SLBP: variants seen among roughly 807,000 people sequenced by gnomAD.
SLBP encodes histone RNA hairpin-binding protein.
SLBP carries 29 observed loss-of-function variants against 39.2 expected under a neutral mutation model. The observed-to-expected ratio is 0.74, with a 90% CI of 0.55 to 1.01. The LOEUF (loss-of-function observed/expected upper bound fraction) is 1.01. Ranked by LOEUF, SLBP falls within the 50% of genes least tolerant of loss-of-function variation. The pLI is 0.00. For synonymous variants in SLBP, 129 were observed against 118.7 expected (o/e 1.09, Z -0.57); for missense variants, 390 against 350.2 (o/e 1.11, Z -0.91).
intron 6 of SLBP, among the ~76,000 whole-genome samples, chr4:1,695,962 A>C (rs1716090165): frequency 6.6e-6 from 1 of 152,166 alleles, no homozygotes; most frequent in African/African-American, 2.4e-5. Context: ...CAACAAACAA[A>C]AACTGTATTC....
At chr4:1,709,847 G>A (rs1019862570) in intron 2 of SLBP, among the ~76,000 whole-genome samples, 1 of 152,102 alleles carries the variant, frequency 6.6e-6, no homozygotes, top group African/African-American at 2.4e-5. Flanking sequence ...TCCTGACCTC[G>A]TGATCCACCC....
chr4:1,711,077 T>G (rs1439146364), intron 2 of SLBP, among the ~76,000 whole-genome samples: 2 of 133,334 alleles, frequency 1.5e-5, no homozygotes, highest in Non-Finnish European at 3.2e-5. Context: ...AAAAAAAAAG[T>G]AACGCAAAGG....
Position 1,700,148 on chromosome 4 carries a change from G to A in SLBP, c.282-78C>T, listed in dbSNP as rs927497971. The A allele has an allele frequency of 7.6e-6, 7 of 917,730 alleles. No individual in the cohort carries two copies. The East Asian group carries it at 1.2e-4, about 16-fold the overall frequency. 56.8% of individuals were successfully genotyped at this position (917,730 alleles called of 1,614,324 possible). On this transcript the variant is annotated intron_variant, in intron 3 of 7. Transcript: ENST00000489418. ...GCCAGGTCTGAGGAAGCTCCACCCT[G>A]ATGCCCGCAGGCACACCATCCTATG...
intron 2 of SLBP, among the ~76,000 whole-genome samples, chr4:1,710,097 T>C (rs1716681497): frequency 6.6e-6 from 1 of 152,030 alleles, no homozygotes; most frequent in African/African-American, 2.4e-5. Flanking sequence ...CAGGCTGGTG[T>C]CGAACTCCTG....
chr4:1,706,221 G>A (rs765917678), intron 2 of SLBP, among the ~76,000 whole-genome samples: 1 of 151,898 alleles, frequency 6.6e-6, no homozygotes, highest in Non-Finnish European at 1.5e-5. Context: ...CAGAGACGGA[G>A]GTTGCAGTGA....
intron 3 of SLBP, among the ~76,000 whole-genome samples, chr4:1,701,390 G>T (rs1270698988): frequency 2.6e-5 from 4 of 151,946 alleles, no homozygotes; most frequent in Non-Finnish European, 5.9e-5. Flanking sequence ...CAGGTGATCC[G>T]CCCGCCTTGG....
At chr4:1,696,132 G>A in intron 6 of SLBP, 70 bp downstream of exon 6, 1 of 1,365,362 alleles carries the variant, frequency 7.3e-7, no homozygotes, top group Non-Finnish European at 9.9e-7. Context: ...TCCTGTCCCA[G>A]TGGTGCGCAG....
At chr4:1,702,665 A>G (rs1313129247) in intron 3 of SLBP, among the ~76,000 whole-genome samples, 1 of 152,262 alleles carries the variant, frequency 6.6e-6, no homozygotes, top group Admixed American at 6.5e-5. Context: ...ACTGATAATC[A>G]AGGGAGATTA....
intron 5 of SLBP, among the ~76,000 whole-genome samples, chr4:1,697,006 A>C (rs936519500): frequency 3.3e-5 from 5 of 151,364 alleles, no homozygotes; most frequent in African/African-American, 1.2e-4. Context: ...AAAATACCAA[A>C]AATTAGCCAG....
intron 5 of SLBP, among the ~76,000 whole-genome samples, chr4:1,698,270 G>A (rs377048367): frequency 9.2e-5 from 14 of 151,506 alleles, no homozygotes; most frequent in African/African-American, 2.9e-4. Context: ...GCTTGAACCC[G>A]AGAGGTGGAG....
At chr4:1,709,284 G>A (rs1194373251) in intron 2 of SLBP, among the ~76,000 whole-genome samples, 1 of 152,114 alleles carries the variant, frequency 6.6e-6, no homozygotes, top group Admixed American at 6.5e-5. Context: ...TCGAGTGCCT[G>A]TATAAGCTGG....
chr4:1,700,543 G>C (rs1409207397), intron 3 of SLBP, among the ~76,000 whole-genome samples: 1 of 149,122 alleles, frequency 6.7e-6, no homozygotes, highest in African/African-American at 2.4e-5. Context: ...GAGCTACCTT[G>C]AGCTCCAAGT....
intron 2 of SLBP, among the ~76,000 whole-genome samples, chr4:1,708,951 A>G (rs1415272054): frequency 6.6e-6 from 1 of 152,218 alleles, no homozygotes; most frequent in Non-Finnish European, 1.5e-5. Context: ...TTTTATCTTC[A>G]GCTAAATGAG....
At chr4:1,711,740 G>A in intron 2 of SLBP, 134 bp downstream of exon 2, 1 of 432,248 alleles carries the variant, frequency 2.3e-6, no homozygotes, top group Non-Finnish European at 3.9e-6. Context: ...CACGGGCCGC[G>A]CGGAGACCAA....
intron 2 of SLBP, among the ~76,000 whole-genome samples, chr4:1,705,146 C>T (rs548541812): frequency 3.9e-5 from 6 of 152,200 alleles, no homozygotes; most frequent in South Asian, 4.2e-4. Flanking sequence ...AGGCTGGTCT[C>T]GAACTCCTGA....
In SLBP at chr4:1,696,357, G is replaced by A; in HGVS notation, c.480-6C>T. 6.4e-7 allele frequency: 1 copy of A among 1,558,552 alleles called. No individual in the cohort carries two copies. Among genetic ancestry groups the A allele is most frequent in the Non-Finnish European group, 8.7e-7 (1 of 1,153,308 alleles). On this transcript the variant is annotated splice_region_variant and splice_polypyrimidine_tract_variant and intron_variant, in intron 5 of 7. Coordinates refer to ENST00000489418, the MANE Select transcript of SLBP (RefSeq NM_006527.4). The stretch of plus-strand genomic sequence containing the variant: ...TGCCAGGTTGTCGAAGGTGTCTACA[G>A]GAGAAAGATTATTCTAGCACATGCC...
At chr4:1,695,541 T>A (rs1716073954) in intron 6 of SLBP, among the ~76,000 whole-genome samples, 1 of 152,216 alleles carries the variant, frequency 6.6e-6, no homozygotes, top group African/African-American at 2.4e-5. Context: ...GGCTCACCCC[T>A]GTAATCCCAG....
At position 1,694,793 on chromosome 4, in the gene SLBP, G is replaced by A; in HGVS notation, c.677C>T (p.Thr226Ile). 6.2e-7 allele frequency: 1 copy of A among 1,613,494 alleles called. No individual in the cohort carries two copies. The highest frequency in any genetic ancestry group is 8.5e-7 in the Non-Finnish European group (1 of 1,179,408). Residue 226 changes from threonine (T) to isoleucine (I), a missense_variant, in exon 7 of 8, where the codon ACC becomes ATC. By Grantham distance (89) the Thr-to-Ile change is moderately conservative. Transcript: ENST00000489418. ...ACTTACAAAGTCATCCTGAGAGCTG[G>A]TCTGGGGCTCGGAGCTGCTTTCTGC... ...ESAESSSEPQ[T>I]SSQDDFDVYS...
rs755138571 is a variant in SLBP, at chr4:1,693,593, G to T, written c.*4C>A. 4 of 1,575,496 alleles carry T rather than the reference G, an allele frequency of 2.5e-6. No individual in the cohort carries two copies. In the South Asian group the frequency reaches 4.4e-5, roughly 17 times the overall value. On this transcript the variant is annotated 3_prime_UTR_variant, in exon 8 of 8. Transcript: ENST00000489418. The stretch of plus-strand genomic sequence containing the variant: ...TGTTTCTCTTCCTGGCCGCCAGGGG[G>T]CAGTTAGCTCATGGCTGAGAAGTCT...
Sources: allele counts gnomAD v4.1 joint callset (sites outside exome capture counted in the v4.1 genomes callset), GRCh38; gene constraint gnomAD v4.1.1; transcripts MANE v1.5; gene names NCBI Gene and HGNC (gene_info 2026-07-23, HGNC 2026-07-21).